Variants in ACACB observed in about 807,000 individuals in gnomAD.
The protein encoded by ACACB is acetyl-CoA carboxylase 2.
A neutral mutation model predicts 278.8 loss-of-function variants in ACACB; 209 were observed. The observed-to-expected ratio is 0.75, with a 90% CI of 0.67 to 0.84. ACACB has a LOEUF of 0.84. Among genes scored for constraint, ACACB ranks in the 40% least tolerant of loss-of-function variants. The pLI, the probability that ACACB is intolerant of heterozygous loss-of-function variation, is 0.00. For missense variants in ACACB, 2,850 were observed against 3,269.0 expected (o/e 0.87, Z 3.13); for synonymous variants, 1,174 against 1,285.6 (o/e 0.91, Z 1.86).
chr12:109,237,896 C>T (rs2046676509), intron 34 of ACACB, among the ~76,000 whole-genome samples: 1 of 151,402 alleles, frequency 6.6e-6, no homozygotes, highest in Non-Finnish European at 1.5e-5. Flanking sequence ...CCTGTAATTC[C>T]AGCTACTCAG....
At chr12:109,140,332 TTCCTTCC>T (rs2043089573) in intron 2 of ACACB, among the ~76,000 whole-genome samples, 1 of 125,326 alleles carries the variant, frequency 8.0e-6, no homozygotes, top group Non-Finnish European at 1.7e-5. Context: ...CCTTCCTTCC[TTCCTTCC>T]TTCCTTCCTT....
At chr12:109,169,917 G>A (rs2284697) in intron 4 of ACACB, among the ~76,000 whole-genome samples, 53,347 of 152,004 alleles carry the variant, frequency 0.35, 9,909 homozygotes, top group East Asian at 0.54. Context: ...GCCGGAAGGA[G>A]CAGCTGCTCT....
At chr12:109,210,551 A>T (rs890731654) in intron 21 of ACACB, among the ~76,000 whole-genome samples, 4 of 148,930 alleles carry the variant, frequency 2.7e-5, no homozygotes, top group African/African-American at 9.8e-5. Flanking sequence ...GTGCATGTAT[A>T]TATACATATA....
chr12:109,156,604 TG>T lies in ACACB; in HGVS notation c.654-10248del, dbSNP rs1420100441. ...TTCTCTCTGTTTTTTTTTTTTTTTT[TG>T]GGGGGGGGCTATTATCAACAGCACA... is the stretch of plus-strand genomic sequence containing the variant. On this transcript the variant is annotated intron_variant, in intron 2 of 52. Transcript: ENST00000338432. Among the ~76,000 whole-genome samples, 9 of 63,198 alleles carry T rather than the reference TG, an allele frequency of 1.4e-4. No homozygotes were observed. The South Asian group carries it at 1.4e-3, about 10-fold the overall frequency. 41.5% of individuals were successfully genotyped at this position (63,198 alleles called of 152,430 possible).
At chr12:109,210,606 TATA>T (rs1275497271) in intron 21 of ACACB, among the ~76,000 whole-genome samples, 1 of 149,658 alleles carries the variant, frequency 6.7e-6, no homozygotes, top group Non-Finnish European at 1.5e-5. Context: ...TATGTATATA[TATA>T]ATATTTTTTA....
chr12:109,186,001 G>T (rs1414602754), intron 12 of ACACB, among the ~76,000 whole-genome samples: 1 of 151,978 alleles, frequency 6.6e-6, no homozygotes, highest in Non-Finnish European at 1.5e-5. Flanking sequence ...CGCAATCTTG[G>T]CTCACTACAA....
intron 1 of ACACB, 85 bp downstream of exon 1, chr12:109,116,789 C>A (rs992198472): frequency 2.6e-5 from 4 of 152,208 alleles, no homozygotes; most frequent in African/African-American, 9.7e-5. Flanking sequence ...TGAGAGCAGA[C>A]CCTGTCTGAA....
At chr12:109,220,037 G>A (rs900656521) in intron 24 of ACACB, among the ~76,000 whole-genome samples, 11 of 152,188 alleles carry the variant, frequency 7.2e-5, no homozygotes, top group African/African-American at 2.7e-4. Context: ...CAAAGGCAGT[G>A]GGTCTGTGGG....
At chr12:109,156,206 GC>G (rs1292662984) in intron 2 of ACACB, among the ~76,000 whole-genome samples, 1 of 152,126 alleles carries the variant, frequency 6.6e-6, no homozygotes, top group Non-Finnish European at 1.5e-5. Flanking sequence ...CTGCACTCTA[GC>G]CTGGGCAACA....
chr12:109,241,141 C>T lies in ACACB; in HGVS notation c.4882C>T (p.Leu1628=), dbSNP rs766361011. The T allele has an allele frequency of 9.9e-6, 16 of 1,614,058 alleles. No individual in the cohort carries two copies. Among genetic ancestry groups the T allele is most frequent in the Non-Finnish European group, 1.0e-5 (12 of 1,180,052 alleles). ...CAGCCGGCTGTGGAAACTCCGTGTG[C>T]TACAGGCTGAGGTCAAGATCAACAT... is the stretch of plus-strand genomic sequence containing the variant. ...YGSRLWKLRV[L]QAEVKINIRQ... is the part of the protein sequence containing the mutation. The change falls in exon 36 of 53, where the codon CTA becomes TTA. Residue 1628 remains leucine (L), a synonymous_variant. Transcript: ENST00000338432.
At chr12:109,229,619 T>A (rs917393807) in intron 28 of ACACB, among the ~76,000 whole-genome samples, 1 of 152,104 alleles carries the variant, frequency 6.6e-6, no homozygotes, top group African/African-American at 2.4e-5. Flanking sequence ...AGCCTCCGCC[T>A]CCTGGGTTCA....
rs753759964 is a variant in ACACB, at chr12:109,168,038, C to T, written c.925+4C>T. On this transcript the variant is annotated splice_donor_region_variant and intron_variant, in intron 4 of 52. Coordinates refer to ENST00000338432, the MANE Select transcript of ACACB (RefSeq NM_001093.4). Reference sequence around the variant, plus strand: ...GAGGACCTTAAGGCCAACGCAGGTACCTGGGCCTTGACCCTCTCCTCCCAT... The same window carrying T: ...GAGGACCTTAAGGCCAACGCAGGTATCTGGGCCTTGACCCTCTCCTCCCAT... The T allele has an allele frequency of 1.2e-6, 2 of 1,602,746 alleles. No individual in the cohort carries two copies. Among genetic ancestry groups the T allele is most frequent in the Non-Finnish European group, 1.7e-6 (2 of 1,173,554 alleles).
Position 109,197,184 on chromosome 12 carries a change from T to C in ACACB, c.2627+31T>C, listed in dbSNP as rs2045166939. The C allele has an allele frequency of 2.5e-6, 4 of 1,591,500 alleles. No homozygotes were observed. In the African/African-American group the frequency reaches 5.4e-5, roughly 22 times the overall value. On this transcript the variant is annotated intron_variant, in intron 17 of 52. Coordinates refer to ENST00000338432, the MANE Select transcript of ACACB (RefSeq NM_001093.4). The stretch of plus-strand genomic sequence containing the variant: ...TGGGGGTGCGAGTCCCACTGTGGGC[T>C]GGGCATGCACAGCTCTCTGTCCTAG...
chr12:109,233,796 C>A lies in ACACB; in HGVS notation c.4188C>A (p.Thr1396=), dbSNP rs1295029956. ...GCTTCGCCAACGTGCCCAAAGACAC[C>A]CCCCTCTTCAGCGAGGCCCGCACCT... The part of the protein sequence containing the change: ...ISCFANVPKD[T]PLFSEARTSL... Residue 1396 remains threonine (T), a synonymous_variant, in exon 30 of 53, where the codon ACC becomes ACA. Transcript: ENST00000338432. The A allele has an allele frequency of 6.2e-7, 1 of 1,614,064 alleles. No individual in the cohort carries two copies. Among genetic ancestry groups the A allele is most frequent in the Admixed American group, 1.7e-5 (1 of 60,002 alleles).
At chr12:109,139,216 G>A (rs1448101240) in intron 1 of ACACB, among the ~76,000 whole-genome samples, 181 bp from the exon 2 acceptor site, 1 of 152,148 alleles carries the variant, frequency 6.6e-6, no homozygotes, top group Non-Finnish European at 1.5e-5. Context: ...AGATCCAGAG[G>A]GGTGAAGGAA....
intron 48 of ACACB, among the ~76,000 whole-genome samples, chr12:109,261,542 AAG>A (rs1030301942): frequency 3.3e-5 from 5 of 152,056 alleles, no homozygotes; most frequent in Non-Finnish European, 5.9e-5. Context: ...TCAAAAGCAA[AAG>A]GGGGCAGGGG....
intron 2 of ACACB, among the ~76,000 whole-genome samples, chr12:109,141,183 A>C (rs2043114295): frequency 6.6e-6 from 1 of 150,994 alleles, no homozygotes; most frequent in Non-Finnish European, 1.5e-5. Context: ...GGCATGAGCC[A>C]CCACACCCAG....
At position 109,254,323 on chromosome 12, in the gene ACACB, G is replaced by C; in HGVS notation, c.6155G>C (p.Arg2052Thr). 3.1e-6 allele frequency: 5 copies of C among 1,612,194 alleles called. No homozygotes were observed. The highest frequency in any genetic ancestry group is 4.2e-6 in the Non-Finnish European group (5 of 1,179,434). The change falls in exon 44 of 53, where the codon AGG (arginine) becomes ACG (threonine). Residue 2052 changes from arginine (R) to threonine (T), a missense_variant. This residue lies in a region of ACACB where 579 missense variants were observed against 684.6 expected (regional missense o/e 0.85). Transcript: ENST00000338432. The stretch of plus-strand genomic sequence containing the variant: ...GACCCCCGGTGGATGCTTGCAGGAA[G>C]GCCTCACCCAAGTAAGTTCTAAAGT... ...PYDPRWMLAG[R>T]PHPTLKGTWQ...
upstream of ACACB, among the ~76,000 whole-genome samples, chr12:109,112,688 CAAA>C (rs57131257): frequency 0.032 from 3,319 of 103,242 alleles, 41 homozygotes; most frequent in African/African-American, 0.04. Flanking sequence ...AACTCCGTCT[CAAA>C]AAAAAAAAAA....
Sources: gnomAD v4.1 joint callset for allele counts (sites outside exome capture counted in the v4.1 genomes callset) on GRCh38, gnomAD v4.1.1 for gene constraint, gnomAD v4.1.1 regional missense constraint, MANE v1.5 for transcripts, NCBI Gene and HGNC (gene_info 2026-07-23, HGNC 2026-07-21) for gene names.